Variants in IL12RB2 observed in about 807,000 individuals in gnomAD.
IL12RB2 encodes the protein interleukin-12 receptor subunit beta-2.
A neutral mutation model predicts 89.4 loss-of-function variants in IL12RB2; 82 were observed. The observed-to-expected ratio is 0.92, with a 90% CI of 0.77 to 1.10. The LOEUF is 1.10. Among genes scored for constraint, IL12RB2 ranks in the 50% least tolerant of loss-of-function variants. IL12RB2 has a pLI of 0.00. For missense variants in IL12RB2, 963 were observed against 1,031.9 expected, an observed-to-expected ratio of 0.93 and a Z score of 0.92; for synonymous variants, 368 against 370.1, an observed-to-expected ratio of 0.99 and a Z score of 0.07.
In IL12RB2 at chr1:67,330,779, T is replaced by G; in HGVS notation, c.927T>G (p.Ser309Arg). Reference sequence around the variant, plus strand: ...ATAAGGGAAGTTGGAGTGATTGGAGTGAATCATTGAGAGCACAAACACCAG... The same window carrying G: ...ATAAGGGAAGTTGGAGTGATTGGAGGGAATCATTGAGAGCACAAACACCAG... Reference protein sequence around the residue: ...HLYKGSWSDWSESLRAQTPEE... With the variant: ...HLYKGSWSDWRESLRAQTPEE... Residue 309 changes from serine to arginine, a missense_variant, in exon 8 of 17, where the codon AGT (serine) becomes AGG (arginine). Coordinates refer to ENST00000674203, the MANE Select transcript of IL12RB2 (RefSeq NM_001374259.2). 1 of 1,575,518 alleles carries G rather than the reference T, an allele frequency of 6.3e-7. No individual in the cohort carries two copies. The highest frequency in any genetic ancestry group is 8.7e-7 in the Non-Finnish European group (1 of 1,145,088).
chr1:67,331,455 T>C (rs1658056332), intron 8 of IL12RB2, among the ~76,000 whole-genome samples: 1 of 152,226 alleles, frequency 6.6e-6, no homozygotes, highest in Admixed American at 6.5e-5. Flanking sequence ...TAAGAAAATA[T>C]TTTATTGAAG....
intron 5 of IL12RB2, among the ~76,000 whole-genome samples, chr1:67,327,203 C>T (rs1380153969): frequency 1.3e-5 from 2 of 152,108 alleles, no homozygotes; most frequent in East Asian, 3.9e-4. Flanking sequence ...TCGTGATCCA[C>T]CCGCCTCAGC....
chr1:67,316,941 TG>T (rs1655854486), intron 2 of IL12RB2, among the ~76,000 whole-genome samples: 1 of 152,218 alleles, frequency 6.6e-6, no homozygotes, highest in Non-Finnish European at 1.5e-5. Flanking sequence ...GTTGTTTCCA[TG>T]AGAGCTAAAA....
In IL12RB2 at chr1:67,397,587, C is replaced by A. The variant is rs564886379; in HGVS notation, c.*1498C>A. Among the ~76,000 whole-genome samples the A allele has an allele frequency of 6.6e-6, 1 of 152,348 alleles. No individual in the cohort carries two copies. The highest frequency in any genetic ancestry group is 2.4e-5 in the African/African-American group (1 of 41,582). On this transcript the variant is annotated 3_prime_UTR_variant, in exon 17 of 17. Coordinates refer to ENST00000674203, the MANE Select transcript of IL12RB2 (RefSeq NM_001374259.2). ...ATGATCCATGTTTTGCTCTTTAAAG[C>A]TGTGGCCCCTGGCTTGCCACCCTCC...
At chr1:67,319,245 C>G (rs149068173) in intron 2 of IL12RB2, among the ~76,000 whole-genome samples, 1 of 152,156 alleles carries the variant, frequency 6.6e-6, no homozygotes, top group Non-Finnish European at 1.5e-5. Context: ...CACAGAACTT[C>G]CCAGCCTACT....
Position 67,397,926 on chromosome 1 carries a change from G to A in IL12RB2, c.*1837G>A, listed in dbSNP as rs140367780. On this transcript the variant is annotated 3_prime_UTR_variant, in exon 17 of 17. Transcript: ENST00000674203. ...ATACCCCAGTCCTGTAGAAATAACT[G>A]TTCTCGGGCTTTAGGTTTTCCAGAT... 1.0e-3 allele frequency among the ~76,000 whole-genome samples: 155 copies of A among 152,288 alleles called. No individual in the cohort carries two copies. The highest frequency in any genetic ancestry group is 3.7e-3 in the African/African-American group (153 of 41,556).
chr1:67,335,519 C>T (rs1198983696), intron 8 of IL12RB2, among the ~76,000 whole-genome samples: 1 of 152,186 alleles, frequency 6.6e-6, no homozygotes, highest in Admixed American at 6.5e-5. Flanking sequence ...CACTTTAACC[C>T]TACAGTTTTT....
intron 9 of IL12RB2, among the ~76,000 whole-genome samples, chr1:67,348,869 A>G (rs1216771802): frequency 6.6e-6 from 1 of 152,190 alleles, no homozygotes; most frequent in Non-Finnish European, 1.5e-5. Flanking sequence ...ATTGAGTTTG[A>G]CATCTTATAT....
At chr1:67,322,743 A>G (rs1546159) in intron 4 of IL12RB2, among the ~76,000 whole-genome samples, 138,206 of 152,262 alleles carry the variant, frequency 0.91, 63,396 homozygotes, top group Non-Finnish European at 0.99. Flanking sequence ...CACACTGCTG[A>G]CTTGCATTGC....
At chr1:67,392,345 T>TA (rs1039321456) in intron 16 of IL12RB2, among the ~76,000 whole-genome samples, 4 of 152,134 alleles carry the variant, frequency 2.6e-5, no homozygotes, top group Admixed American at 6.5e-5. Context: ...AGGCAAAAAC[T>TA]AAAAAAATGA....
rs539750407 is a variant in IL12RB2, at chr1:67,329,743, G to C, written c.807+14G>C. On this transcript the variant is annotated intron_variant, in intron 7 of 16. Coordinates refer to ENST00000674203, the MANE Select transcript of IL12RB2 (RefSeq NM_001374259.2). ...CTCTGGAATATGGTAATTATCTTTA[G>C]AGTGAAGGAAAAAACACTGAAGCAT... 1,254 of 1,587,966 alleles carry C rather than the reference G, an allele frequency of 7.9e-4. 15 individuals carry two copies. The South Asian group carries it at 0.013, about 16-fold the overall frequency.
At position 67,398,395 on chromosome 1, in the gene IL12RB2, TC is replaced by T. The variant is rs1471634938; in HGVS notation, c.*2309del. On this transcript the variant is annotated 3_prime_UTR_variant, in exon 17 of 17. Transcript: ENST00000674203. Reference sequence around the variant, plus strand: ...CATCTCAGCCACTATTCTCCTCCCCTCCCTTGTGTCTACAACACCCCATTTT... The same window carrying T: ...CATCTCAGCCACTATTCTCCTCCCCTCCTTGTGTCTACAACACCCCATTTT... Among the ~76,000 whole-genome samples, 2 of 151,594 alleles carry T rather than the reference TC, an allele frequency of 1.3e-5. No homozygotes were observed. Among genetic ancestry groups the T allele is most frequent in the Admixed American group, 6.6e-5 (1 of 15,200 alleles).
At chr1:67,367,779 C>A in intron 10 of IL12RB2, 46 bp from the exon 11 acceptor site, 1 of 1,034,212 alleles carries the variant, frequency 9.7e-7, no homozygotes, top group South Asian at 1.3e-5. Flanking sequence ...AAATCTTTAT[C>A]CCTCCTCTTT....
At chr1:67,374,777 CTTT>C (rs35122967) in intron 13 of IL12RB2, among the ~76,000 whole-genome samples, 1,548 of 53,840 alleles carry the variant, frequency 0.029, 50 homozygotes, top group African/African-American at 0.087. Flanking sequence ...AGCCCAGCCT[CTTT>C]TTTTTTTTTT....
At chr1:67,388,545 C>T (rs1482705766) in intron 15 of IL12RB2, among the ~76,000 whole-genome samples, 3 of 152,094 alleles carry the variant, frequency 2.0e-5, no homozygotes, top group Non-Finnish European at 4.4e-5. Context: ...GGGGTTTCAC[C>T]ATGTTGGCCA....
rs146560351 is a variant in IL12RB2, at chr1:67,331,658, T to C, written c.958+848T>C. Among the ~76,000 whole-genome samples, 65 of 152,152 alleles carry C rather than the reference T, an allele frequency of 4.3e-4. No homozygotes were observed. In the East Asian group the frequency reaches 0.012, roughly 28 times the overall value. On this transcript the variant is annotated intron_variant, in intron 8 of 16. Coordinates refer to ENST00000674203, the MANE Select transcript of IL12RB2 (RefSeq NM_001374259.2). ...TTCGAGACCAGCCTGGCCAGCATGG[T>C]GAAATCCCATCTCTACCAAAAAGAC...
intron 3 of IL12RB2, among the ~76,000 whole-genome samples, chr1:67,321,051 G>A (rs1469212062): frequency 6.6e-6 from 1 of 151,232 alleles, no homozygotes; most frequent in Non-Finnish European, 1.5e-5. Context: ...GCCTCCCGCC[G>A]TCCACAAGTT....
intron 1 of IL12RB2, among the ~76,000 whole-genome samples, chr1:67,310,184 CAAAA>C (rs890229904): frequency 2.2e-3 from 80 of 36,754 alleles, no homozygotes; most frequent in Admixed American, 4.3e-3. Context: ...AACTTCATCT[CAAAA>C]AAAAAAAAAA....
chr1:67,364,301 G>A (rs898588359), intron 10 of IL12RB2, among the ~76,000 whole-genome samples: 1 of 152,212 alleles, frequency 6.6e-6, no homozygotes, highest in African/African-American at 2.4e-5. Flanking sequence ...TGAGGCAGGA[G>A]AATCACTTGA....
Sources: allele counts gnomAD v4.1 joint callset (sites outside exome capture counted in the v4.1 genomes callset), GRCh38; gene constraint gnomAD v4.1.1; transcripts MANE v1.5; gene names NCBI Gene and HGNC (gene_info 2026-07-23, HGNC 2026-07-21).